Variants in TMCC1 observed in about 807,000 individuals in gnomAD.
TMCC1 encodes the protein transmembrane and coiled-coil domain family 1.
Under a neutral mutation model 52.4 loss-of-function variants are expected in TMCC1, and 15 were observed. That is an observed-to-expected ratio of 0.29 (90% CI 0.19 to 0.44). The LOEUF (loss-of-function observed/expected upper bound fraction) is 0.44, where lower values mean the gene tolerates loss of function less well. Ranked by LOEUF, TMCC1 falls within the 20% of genes least tolerant of loss-of-function variation. The pLI, the probability that TMCC1 is intolerant of heterozygous loss-of-function variation, is 1.00. For missense variants in TMCC1, 503 were observed against 806.0 expected, an observed-to-expected ratio of 0.62 and a Z score of 4.55; for synonymous variants, 279 against 301.9, an observed-to-expected ratio of 0.92 and a Z score of 0.79.
chr3:129,718,452 GA>G (rs2049279793), intron 4 of TMCC1, among the ~76,000 whole-genome samples: 1 of 152,188 alleles, frequency 6.6e-6, no homozygotes. Flanking sequence ...GCGATCTCTT[GA>G]GACTTCTCTA....
chr3:129,840,076 C>T (rs539644575), intron 2 of TMCC1, among the ~76,000 whole-genome samples: 8 of 150,288 alleles, frequency 5.3e-5, no homozygotes, highest in African/African-American at 2.4e-5. Flanking sequence ...ACCTGTAATC[C>T]CAGCACTTTG....
intron 4 of TMCC1, among the ~76,000 whole-genome samples, chr3:129,718,403 C>A (rs1041722897): frequency 2.0e-5 from 3 of 152,188 alleles, no homozygotes; most frequent in African/African-American, 7.2e-5. Context: ...CCTGAGTGAC[C>A]AGTTCCTCTC....
chr3:129,778,059 T>C (rs1329907767), intron 4 of TMCC1, among the ~76,000 whole-genome samples: 2 of 152,208 alleles, frequency 1.3e-5, no homozygotes, highest in Non-Finnish European at 2.9e-5. Context: ...AGGAAAATTA[T>C]TTTCCTTGCT....
intron 1 of TMCC1, among the ~76,000 whole-genome samples, chr3:129,884,911 A>G (rs2061623251): frequency 6.6e-6 from 1 of 150,524 alleles, no homozygotes; most frequent in Non-Finnish European, 1.5e-5. Flanking sequence ...AGGCTGAGGC[A>G]GGCAGGTTGC....
At chr3:129,827,548 T>C (rs1028999924) in intron 4 of TMCC1, among the ~76,000 whole-genome samples, 2 of 152,116 alleles carry the variant, frequency 1.3e-5, no homozygotes, top group African/African-American at 4.8e-5. Flanking sequence ...AAAGAATACA[T>C]GAAATATACT....
intron 4 of TMCC1, among the ~76,000 whole-genome samples, chr3:129,736,679 G>A (rs1158902261): frequency 2.6e-5 from 4 of 151,720 alleles, no homozygotes; most frequent in South Asian, 2.1e-4. Context: ...CCGCCACCAC[G>A]CCCAGCTAAT....
At chr3:129,702,508 G>A (rs1244315749) in intron 4 of TMCC1, among the ~76,000 whole-genome samples, 1 of 152,054 alleles carries the variant, frequency 6.6e-6, no homozygotes, top group Non-Finnish European at 1.5e-5. Flanking sequence ...TAATATATAG[G>A]TAAACCATGT....
At chr3:129,668,821 C>T (rs1421772812) in intron 5 of TMCC1, among the ~76,000 whole-genome samples, 1 of 152,138 alleles carries the variant, frequency 6.6e-6, no homozygotes, top group Non-Finnish European at 1.5e-5. Context: ...GACAAGGTTT[C>T]TCCATGTTGG....
chr3:129,687,690 G>C (rs1308595776), intron 4 of TMCC1, among the ~76,000 whole-genome samples: 2 of 152,142 alleles, frequency 1.3e-5, no homozygotes, highest in African/African-American at 4.8e-5. Flanking sequence ...ATATCAAACA[G>C]CAATGACAAT....
intron 4 of TMCC1, among the ~76,000 whole-genome samples, chr3:129,706,575 C>A (rs916635866): frequency 6.6e-6 from 1 of 152,100 alleles, no homozygotes; most frequent in South Asian, 2.1e-4. Context: ...AGAGAAGAAA[C>A]CCTGTACTGA....
chr3:129,672,239 G>A (rs548473138), intron 4 of TMCC1, among the ~76,000 whole-genome samples: 3 of 152,282 alleles, frequency 2.0e-5, no homozygotes, highest in Middle Eastern at 3.4e-3. Flanking sequence ...AAATCCTTCA[G>A]TAGGTCATCC....
intron 2 of TMCC1, among the ~76,000 whole-genome samples, chr3:129,853,435 C>G (rs142896656): frequency 1.1e-3 from 160 of 151,342 alleles, no homozygotes; most frequent in African/African-American, 3.5e-3. Flanking sequence ...GACCAGCCTA[C>G]GGAACAGTGA....
At chr3:129,808,889 T>C (rs1434578474) in intron 4 of TMCC1, among the ~76,000 whole-genome samples, 2 of 124,542 alleles carry the variant, frequency 1.6e-5, no homozygotes, top group Non-Finnish European at 3.6e-5. Context: ...ATCAAAAAGT[T>C]AAAATAAATT....
intron 4 of TMCC1, among the ~76,000 whole-genome samples, chr3:129,718,943 G>T (rs2049336549): frequency 6.6e-6 from 1 of 152,078 alleles, no homozygotes; most frequent in African/African-American, 2.4e-5. Context: ...TGTGTGTGAG[G>T]GTCCAGCACC....
intron 1 of TMCC1, chr3:129,892,794 G>A (rs1369890321): frequency 2.6e-5 from 4 of 152,160 alleles, no homozygotes; most frequent in African/African-American, 9.7e-5. Flanking sequence ...CCTTTACCGA[G>A]GCTGAAAAAG....
chr3:129,657,181 A>G (rs2086719715), intron 5 of TMCC1, among the ~76,000 whole-genome samples: 2 of 152,196 alleles, frequency 1.3e-5, no homozygotes, highest in Admixed American at 6.5e-5. Context: ...ACCAGCCTAC[A>G]TCTTGATAAA....
intron 4 of TMCC1, among the ~76,000 whole-genome samples, chr3:129,773,194 AG>A (rs2054754664): frequency 6.6e-6 from 1 of 152,374 alleles, no homozygotes; most frequent in East Asian, 1.9e-4. Flanking sequence ...AAAAGGAATA[AG>A]GATTACTTCT....
At chr3:129,863,636 C>T (rs370931892) in intron 2 of TMCC1, among the ~76,000 whole-genome samples, 8 of 152,086 alleles carry the variant, frequency 5.3e-5, no homozygotes, top group South Asian at 4.1e-4. Flanking sequence ...CCGAGGCAGA[C>T]GGATCACCTG....
intron 2 of TMCC1, among the ~76,000 whole-genome samples, chr3:129,862,434 A>G (rs1022054400): frequency 6.6e-6 from 1 of 152,212 alleles, no homozygotes; most frequent in African/African-American, 2.4e-5. Context: ...TGACATACAG[A>G]TACTCTGTAC....
Sources: allele counts gnomAD v4.1 joint callset (sites outside exome capture counted in the v4.1 genomes callset), GRCh38; gene constraint gnomAD v4.1.1; transcripts MANE v1.5; gene names NCBI Gene and HGNC (gene_info 2026-07-23, HGNC 2026-07-21).